OSBPL10: variants seen among roughly 807,000 people sequenced by gnomAD.
OSBPL10 encodes the protein oxysterol binding protein like 10.
OSBPL10 carries 49 observed loss-of-function variants against 81.7 expected under a neutral mutation model. That is an observed-to-expected ratio of 0.60 (90% CI 0.48 to 0.76). The LOEUF (loss-of-function observed/expected upper bound fraction) is 0.76, where lower values mean the gene tolerates loss of function less well. Among genes scored for constraint, OSBPL10 ranks in the 30% least tolerant of loss-of-function variants. The pLI, the probability that OSBPL10 is intolerant of heterozygous loss-of-function variation, is 0.00. For missense variants in OSBPL10, 923 were observed against 987.8 expected, an observed-to-expected ratio of 0.93 and a Z score of 0.88; for synonymous variants, 419 against 383.6, an observed-to-expected ratio of 1.09 and a Z score of -1.08.
At chr3:32,004,538 G>A (rs1223976035) in intron 2 of OSBPL10, among the ~76,000 whole-genome samples, 2 of 152,164 alleles carry the variant, frequency 1.3e-5, no homozygotes, top group South Asian at 2.1e-4. Context: ...TCAAGATATC[G>A]GCTGGAGAAC....
At chr3:32,053,240 G>C (rs1455576455) in intron 1 of OSBPL10, among the ~76,000 whole-genome samples, 1 of 152,176 alleles carries the variant, frequency 6.6e-6, no homozygotes, top group African/African-American at 2.4e-5. Context: ...AAAGTGAAAC[G>C]TCCTTTTGGT....
chr3:31,786,880 C>A (rs1698874039), intron 4 of OSBPL10, among the ~76,000 whole-genome samples: 1 of 152,120 alleles, frequency 6.6e-6, no homozygotes, highest in African/African-American at 2.4e-5. Context: ...TGGGCCAGAC[C>A]AGCAGCAGCA....
At chr3:31,675,900 T>C (rs1247682270) in intron 8 of OSBPL10, among the ~76,000 whole-genome samples, 7 of 143,730 alleles carry the variant, frequency 4.9e-5, no homozygotes, top group Non-Finnish European at 8.9e-5. Context: ...GAGCCGAGAT[T>C]GCGCCACTGC....
At chr3:32,055,034 A>G (rs9822324) in intron 1 of OSBPL10, among the ~76,000 whole-genome samples, 6,168 of 152,154 alleles carry the variant, frequency 0.041, 347 homozygotes, top group African/African-American at 0.12. Context: ...GACTCTCATG[A>G]AGAGCTGAAA....
At chr3:31,693,607 T>C (rs1695621977) in intron 7 of OSBPL10, among the ~76,000 whole-genome samples, 1 of 152,172 alleles carries the variant, frequency 6.6e-6, no homozygotes, top group South Asian at 2.1e-4. Flanking sequence ...GGGCCAAATC[T>C]TCACTTGCTT....
chr3:31,939,128 C>A lies in OSBPL10; in HGVS notation c.281+41771G>T, dbSNP rs540031343. 1.3e-4 allele frequency among the ~76,000 whole-genome samples: 20 copies of A among 148,680 alleles called. No homozygotes were observed. The South Asian group carries it at 3.9e-3, about 29-fold the overall frequency. On this transcript the variant is annotated intron_variant, in intron 1 of 11. Transcript: ENST00000396556. ...TTCCCTCTCTTTTCAGTTTAATGTG[C>A]CAAGACTCTCTCATCCTTTTTTTTT...
intron 2 of OSBPL10, among the ~76,000 whole-genome samples, chr3:31,993,558 T>C (rs1308438648): frequency 1.3e-5 from 2 of 152,066 alleles, no homozygotes; most frequent in Non-Finnish European, 2.9e-5. Flanking sequence ...CTTCACCAAA[T>C]AAGATATACA....
intron 2 of OSBPL10, chr3:32,037,603 T>G (rs1699533005): frequency 4.3e-6 from 1 of 231,914 alleles, no homozygotes; most frequent in Non-Finnish European, 8.5e-6. Context: ...AAGTTCTCTA[T>G]AGGATGCCAT....
At chr3:31,825,352 T>C (rs897375010) in intron 4 of OSBPL10, among the ~76,000 whole-genome samples, 3 of 152,114 alleles carry the variant, frequency 2.0e-5, no homozygotes, top group Admixed American at 2.0e-4. Context: ...GAAAAAGTCT[T>C]GCACAGTCGC....
chr3:31,811,312 T>C (rs1031001418), intron 4 of OSBPL10, among the ~76,000 whole-genome samples: 1 of 152,282 alleles, frequency 6.6e-6, no homozygotes, highest in African/African-American at 2.4e-5. Flanking sequence ...GGCCCTTTGA[T>C]GAGGAAGCCT....
At chr3:31,907,618 T>TC (rs1253914834) in intron 1 of OSBPL10, among the ~76,000 whole-genome samples, 213 of 18,452 alleles carry the variant, frequency 0.012, 8 homozygotes, top group South Asian at 0.031. Context: ...GACCTCCATC[T>TC]CAAAAAAAAA....
chr3:31,826,783 C>T (rs1700110795), intron 4 of OSBPL10, among the ~76,000 whole-genome samples: 2 of 152,184 alleles, frequency 1.3e-5, no homozygotes, highest in Admixed American at 1.3e-4. Flanking sequence ...GGATAGCTCC[C>T]AAGGTGGACC....
At position 31,733,272 on chromosome 3, in the gene OSBPL10, TGA is replaced by T; in HGVS notation, c.1078_1079del (p.Ser360ThrfsTer11). ...LPNSAEDEQT[S>X]QPEPEPNSGS... is the part of the protein sequence containing the mutation. ...GCACGCTTACCTCTGGCTCTGGCTG[TGA>T]GGTTTGTTCGTCTTCAGCAGAGTTT... On this transcript the variant is annotated frameshift_variant, in exon 6 of 12. Transcript: ENST00000396556. LOFTEE classifies it high-confidence loss of function. 1 of 1,612,568 alleles carries T rather than the reference TGA, an allele frequency of 6.2e-7. No individual in the cohort carries two copies. Among genetic ancestry groups the T allele is most frequent in the South Asian group, 1.1e-5 (1 of 90,746 alleles).
At chr3:31,669,144 G>A (rs1211196541) in intron 9 of OSBPL10, among the ~76,000 whole-genome samples, 1 of 152,002 alleles carries the variant, frequency 6.6e-6, no homozygotes, top group South Asian at 2.1e-4. Context: ...AAAATAAGTG[G>A]GAAGGGGACG....
At chr3:31,855,198 T>C (rs1700879496) in intron 3 of OSBPL10, among the ~76,000 whole-genome samples, 1 of 151,880 alleles carries the variant, frequency 6.6e-6, no homozygotes, top group Non-Finnish European at 1.5e-5. Flanking sequence ...TTTTTAAGTT[T>C]TTTTGTGCAC....
intron 1 of OSBPL10, among the ~76,000 whole-genome samples, chr3:32,052,454 G>A (rs951161940): frequency 3.3e-5 from 5 of 152,024 alleles, no homozygotes; most frequent in African/African-American, 1.2e-4. Context: ...CCATTACTGG[G>A]TATATACCCA....
At chr3:32,004,699 C>T (rs140893747) in intron 2 of OSBPL10, among the ~76,000 whole-genome samples, 10 of 152,228 alleles carry the variant, frequency 6.6e-5, no homozygotes, top group African/African-American at 2.4e-4. Flanking sequence ...ACCAAGAGAA[C>T]AACAGAGAAG....
At chr3:31,948,614 T>C (rs1432285781) in intron 1 of OSBPL10, among the ~76,000 whole-genome samples, 3 of 152,240 alleles carry the variant, frequency 2.0e-5, no homozygotes, top group Non-Finnish European at 2.9e-5. Context: ...GCTGACTTTA[T>C]AAAGTTTCAC....
intron 1 of OSBPL10, among the ~76,000 whole-genome samples, chr3:31,933,711 C>G (rs938044596): frequency 7.2e-5 from 11 of 152,070 alleles, no homozygotes; most frequent in Admixed American, 6.6e-4. Context: ...CACCCAGCCT[C>G]TAAAATTCTT....
Sources: allele counts gnomAD v4.1 joint callset (sites outside exome capture counted in the v4.1 genomes callset), GRCh38; gene constraint gnomAD v4.1.1; transcripts MANE v1.5; gene names NCBI Gene and HGNC (gene_info 2026-07-23, HGNC 2026-07-21).